RABGAP1L: variants seen among roughly 807,000 people sequenced by gnomAD.
The protein encoded by RABGAP1L is rab GTPase-activating protein 1-like.
In RABGAP1L, 63 loss-of-function variants were observed where a neutral mutation model predicts 137.7. The ratio of observed to expected loss-of-function variants is 0.46; its 90% CI spans 0.37 to 0.56. The LOEUF (loss-of-function observed/expected upper bound fraction) is 0.56. Ranked by LOEUF, RABGAP1L falls within the 20% of genes least tolerant of loss-of-function variation. The pLI is 0.00. For synonymous variants in RABGAP1L, 431 were observed against 433.7 expected (o/e 0.99, Z 0.08); for missense variants, 1,095 against 1,244.0 (o/e 0.88, Z 1.80).
At chr1:174,336,853 A>ATGTG (rs148867931) in intron 11 of RABGAP1L, among the ~76,000 whole-genome samples, 3,015 of 146,490 alleles carry the variant, frequency 0.021, 80 homozygotes, top group African/African-American at 0.064. Flanking sequence ...GTGTTTATAA[A>ATGTG]TGTGTGTGTG....
chr1:174,500,808 T>A (rs1200286871), intron 13 of RABGAP1L, among the ~76,000 whole-genome samples: 1 of 152,152 alleles, frequency 6.6e-6, no homozygotes, highest in African/African-American at 2.4e-5. Flanking sequence ...TATCCCTGAG[T>A]TCCAGTAAAA....
chr1:174,448,499 G>A lies in RABGAP1L; in HGVS notation c.1710+54354G>A, dbSNP rs768205015. The stretch of plus-strand genomic sequence containing the variant: ...CTCAGTTCTAAAAAGTGTTTCTATG[G>A]CATGTCTTGCTTGCATCAGTGTGGA... On this transcript the variant is annotated intron_variant, in intron 13 of 25. Transcript: ENST00000681986. The surrounding 1 kb of genome is among the most constrained non-coding windows in gnomAD (Gnocchi z 4.2). The A allele has an allele frequency of 3.1e-6, 5 of 1,613,526 alleles. No homozygotes were observed. Among genetic ancestry groups the A allele is most frequent in the Non-Finnish European group, 4.2e-6 (5 of 1,179,496 alleles).
chr1:174,325,758 A>G (rs1196015425), intron 11 of RABGAP1L, among the ~76,000 whole-genome samples: 2 of 152,204 alleles, frequency 1.3e-5, no homozygotes, highest in South Asian at 4.1e-4. Context: ...AGCTAGGAAC[A>G]AACAGAAGAT....
At chr1:174,478,352 C>T (rs1245027351) in intron 13 of RABGAP1L, among the ~76,000 whole-genome samples, 1 of 151,844 alleles carries the variant, frequency 6.6e-6, no homozygotes, top group Non-Finnish European at 1.5e-5. Flanking sequence ...CTCACTGTAA[C>T]CTTGAACTCC....
At chr1:174,215,551 CAAA>C (rs1182808711) in intron 1 of RABGAP1L, among the ~76,000 whole-genome samples, 1 of 151,392 alleles carries the variant, frequency 6.6e-6, no homozygotes, top group East Asian at 1.9e-4. Flanking sequence ...ATACAAATGG[CAAA>C]AAGGCATATG....
At chr1:174,964,553 G>A (rs1281328950) in intron 20 of RABGAP1L, among the ~76,000 whole-genome samples, 1 of 152,130 alleles carries the variant, frequency 6.6e-6, no homozygotes, top group Non-Finnish European at 1.5e-5. Flanking sequence ...TTTGTCTGAA[G>A]ATGAACTATT....
intron 19 of RABGAP1L, chr1:174,897,666 T>C (rs1370517166): frequency 6.6e-6 from 1 of 152,208 alleles, no homozygotes; most frequent in Non-Finnish European, 1.5e-5. Flanking sequence ...TAAAATGTAC[T>C]TGCCTGTTAG....
At chr1:174,841,991 T>C (rs561889409) in intron 19 of RABGAP1L, among the ~76,000 whole-genome samples, 1 of 152,302 alleles carries the variant, frequency 6.6e-6, no homozygotes, top group South Asian at 2.1e-4. Context: ...GTGACCATTA[T>C]GATAAAAGGA....
intron 12 of RABGAP1L, among the ~76,000 whole-genome samples, chr1:174,377,478 G>C (rs896519728): frequency 6.6e-6 from 1 of 152,138 alleles, no homozygotes; most frequent in Admixed American, 6.5e-5. Flanking sequence ...AGTCAAAAGA[G>C]TATTGATACA....
At chr1:174,179,951 CAG>C (rs60383688) in intron 1 of RABGAP1L, among the ~76,000 whole-genome samples, 44,642 of 151,962 alleles carry the variant, frequency 0.29, 6,943 homozygotes, top group African/African-American at 0.37. Context: ...GTTAAAGTCT[CAG>C]AATATATTCC....
intron 13 of RABGAP1L, among the ~76,000 whole-genome samples, chr1:174,543,376 G>A (rs1665666687): frequency 6.6e-6 from 1 of 152,012 alleles, no homozygotes; most frequent in African/African-American, 2.4e-5. Context: ...TTTGATCTTT[G>A]TTGGTTTAAA....
At chr1:174,654,416 ACTT>A (rs1437563890) in intron 14 of RABGAP1L, among the ~76,000 whole-genome samples, 2 of 152,172 alleles carry the variant, frequency 1.3e-5, no homozygotes, top group Non-Finnish European at 2.9e-5. Context: ...TCTATCACTT[ACTT>A]CTTCTGTGAA....
chr1:174,192,021 T>C (rs1171335569), intron 1 of RABGAP1L, among the ~76,000 whole-genome samples: 2 of 152,216 alleles, frequency 1.3e-5, no homozygotes, highest in Non-Finnish European at 2.9e-5. Flanking sequence ...ACTTAGTTTT[T>C]TTCAAAGTGG....
rs192101190 is a variant in RABGAP1L, at chr1:174,622,953, G to C, written c.1711-14422G>C. Among the ~76,000 whole-genome samples the C allele has an allele frequency of 2.0e-3, 300 of 152,222 alleles. 1 individual carries two copies. The highest frequency in any genetic ancestry group is 6.9e-3 in the African/African-American group (285 of 41,550). ...GCATTCACTTTTCTTTGAAGTTTCA[G>C]GTGGTACTTTATGAAAAGGAATTTC... On this transcript the variant is annotated intron_variant, in intron 13 of 25. Transcript: ENST00000681986.
At chr1:174,411,002 C>A (rs983787668) in intron 13 of RABGAP1L, among the ~76,000 whole-genome samples, 1 of 151,890 alleles carries the variant, frequency 6.6e-6, no homozygotes, top group African/African-American at 2.4e-5. Context: ...GTGTATGTGG[C>A]TAATTGTGGG....
At chr1:174,483,122 A>G (rs888928151) in intron 13 of RABGAP1L, among the ~76,000 whole-genome samples, 2 of 152,216 alleles carry the variant, frequency 1.3e-5, no homozygotes, top group Non-Finnish European at 2.9e-5. Flanking sequence ...TTTATCCTTT[A>G]TATTTCAAAC....
intron 13 of RABGAP1L, among the ~76,000 whole-genome samples, chr1:174,608,268 C>A (rs1341511955): frequency 6.6e-6 from 1 of 151,980 alleles, no homozygotes; most frequent in South Asian, 2.1e-4. Flanking sequence ...TCATATGGAT[C>A]GTTTATAATA....
intron 8 of RABGAP1L, among the ~76,000 whole-genome samples, chr1:174,275,396 G>T (rs554832026): frequency 6.6e-6 from 1 of 152,010 alleles, no homozygotes; most frequent in Admixed American, 6.6e-5. Context: ...AATATTAGAA[G>T]AAAAATATTA....
chr1:174,877,371 A>G, intron 19 of RABGAP1L: 3 of 1,528,320 alleles, frequency 2.0e-6, no homozygotes, highest in African/African-American at 1.4e-5. Context: ...GATTTTTGAC[A>G]CTCCACCCCC....
Sources: allele counts gnomAD v4.1 joint callset (sites outside exome capture counted in the v4.1 genomes callset), GRCh38; gene constraint gnomAD v4.1.1; non-coding constraint Gnocchi (gnomAD v3.1); transcripts MANE v1.5; gene names NCBI Gene and HGNC (gene_info 2026-07-23, HGNC 2026-07-21).